GTF3C1: variants seen among roughly 807,000 people sequenced by gnomAD.
GTF3C1 encodes general transcription factor IIIC subunit 1.
In GTF3C1, 57 loss-of-function variants were observed where a neutral mutation model predicts 226.7. The observed-to-expected ratio is 0.25, with a 90% CI of 0.20 to 0.31. The LOEUF (loss-of-function observed/expected upper bound fraction) is 0.31, where lower values mean the gene tolerates loss of function less well. GTF3C1 is among the 10% of genes least tolerant of loss of function. The pLI, the probability that GTF3C1 is intolerant of heterozygous loss-of-function variation, is 1.00. For synonymous variants in GTF3C1, 1,090 were observed against 1,084.8 expected, an observed-to-expected ratio of 1.00 and a Z score of -0.09; for missense variants, 2,217 against 2,776.1, an observed-to-expected ratio of 0.80 and a Z score of 4.53.
intron 25 of GTF3C1, 71 bp from the exon 26 acceptor site, chr16:27,483,196 C>A: frequency 6.9e-7 from 1 of 1,445,878 alleles, no homozygotes; most frequent in East Asian, 2.3e-5. Context: ...CTTCAGAGAG[C>A]TCCATTCTCA....
chr16:27,549,587 A>G (rs925617823), intron 1 of GTF3C1, 83 bp downstream of exon 1: 173 of 788,670 alleles, frequency 2.2e-4, no homozygotes, highest in Non-Finnish European at 2.1e-4. Context: ...GCCCCACTCC[A>G]TTCCCCCGCC....
rs759931971 is a variant in GTF3C1, at chr16:27,476,416, C to A, written c.4353+35G>T. The A allele has an allele frequency of 2.2e-6, 3 of 1,354,070 alleles. No individual in the cohort carries two copies. The Admixed American group carries it at 5.1e-5, about 23-fold the overall frequency. The allele number at this position is 1,354,070 out of a possible 1,614,324, so 83.9% of individuals were successfully genotyped here. A position where few individuals can be genotyped will look rare whatever the true frequency, so the allele number is the denominator to read the frequency against. On this transcript the variant is annotated intron_variant, in intron 29 of 36. Coordinates refer to ENST00000356183, the MANE Select transcript of GTF3C1 (RefSeq NM_001520.4). ...ACGAGCCTGGCCTCGGAAGGGCCCA[C>A]ATCCCCGCTGTGCTGCCGGGCAGCC...
intron 33 of GTF3C1, 42 bp from the exon 34 acceptor site, chr16:27,464,878 G>C: frequency 6.9e-7 from 1 of 1,456,552 alleles, no homozygotes; most frequent in Non-Finnish European, 9.1e-7. Context: ...GGGAGCTCGG[G>C]ATCCTCCACG....
Position 27,540,015 on chromosome 16 carries a change from C to T in GTF3C1, c.432-1659G>A, listed in dbSNP as rs1312268941. On this transcript the variant is annotated intron_variant, in intron 2 of 36. Transcript: ENST00000356183. ...GCTCACAGGCTACCAATTCTGTTCA[C>T]CGGGAGCCAACATCCACTCTTCTCA... 2.6e-5 allele frequency among the ~76,000 whole-genome samples: 4 copies of T among 152,186 alleles called. No individual in the cohort carries two copies. In the East Asian group the frequency reaches 7.8e-4, roughly 30 times the overall value.
Position 27,464,594 on chromosome 16 carries a change from C to G in GTF3C1, c.5598G>C (p.Trp1866Cys). 6.7e-7 allele frequency: 1 copy of G among 1,492,492 alleles called. No homozygotes were observed. Among genetic ancestry groups the G allele is most frequent in the Non-Finnish European group, 8.9e-7 (1 of 1,120,660 alleles). The allele number at this position is 1,492,492 out of a possible 1,614,324, so 92.5% of individuals were successfully genotyped here. The change falls in exon 34 of 37, where the codon TGG (tryptophan) becomes TGC (cysteine). Residue 1866 changes from tryptophan to cysteine, a missense_variant. By Grantham distance (215) the Trp-to-Cys change is radical. Coordinates refer to ENST00000356183, the MANE Select transcript of GTF3C1 (RefSeq NM_001520.4). Reference sequence around the variant, plus strand: ...CGTCGGTCTCCCCATTCTCACTGGCCCAGCTGGCGCGCCTCTTGGTGCCCC... The same window carrying G: ...CGTCGGTCTCCCCATTCTCACTGGCGCAGCTGGCGCGCCTCTTGGTGCCCC... ...SPRGTKRRASWASENGETDAE... is the reference protein window; with the variant it reads ...SPRGTKRRASCASENGETDAE...
intron 4 of GTF3C1, among the ~76,000 whole-genome samples, chr16:27,536,807 C>G (rs2089008589): frequency 6.6e-6 from 1 of 152,172 alleles, no homozygotes; most frequent in Non-Finnish European, 1.5e-5. Context: ...GGCCCTGCAC[C>G]AGCTTGACCT....
chr16:27,515,764 C>A (rs963190269), intron 6 of GTF3C1, among the ~76,000 whole-genome samples: 3 of 152,194 alleles, frequency 2.0e-5, no homozygotes, highest in Non-Finnish European at 2.9e-5. Context: ...CTCTGTCTCA[C>A]GGGGTTAATG....
intron 1 of GTF3C1, among the ~76,000 whole-genome samples, chr16:27,548,556 C>T (rs1399191142): frequency 6.6e-6 from 1 of 152,228 alleles, no homozygotes; most frequent in Non-Finnish European, 1.5e-5. Context: ...TGAGCTGCTG[C>T]ACCCGGCCTG....
chr16:27,465,751 G>A (rs1596611985), intron 32 of GTF3C1: 1 of 582,252 alleles, frequency 1.7e-6, no homozygotes, highest in East Asian at 2.8e-5. Flanking sequence ...AGCTGACTGG[G>A]ACACAACAGC....
chr16:27,490,831 G>C (rs1330882046), intron 19 of GTF3C1, among the ~76,000 whole-genome samples: 1 of 152,094 alleles, frequency 6.6e-6, no homozygotes, highest in Non-Finnish European at 1.5e-5. Flanking sequence ...CCCTCATCCT[G>C]GGGGTAGAAC....
At chr16:27,542,795 G>A (rs566344964) in intron 2 of GTF3C1, among the ~76,000 whole-genome samples, 22 of 152,266 alleles carry the variant, frequency 1.4e-4, no homozygotes, top group South Asian at 4.1e-4. Context: ...ACTGTCCCTC[G>A]GACCTTCCAC....
At chr16:27,491,587 TGGGAGGGAGGGTCCTTCTA>T (rs976883628) in intron 19 of GTF3C1, among the ~76,000 whole-genome samples, 2 of 152,136 alleles carry the variant, frequency 1.3e-5, no homozygotes, top group African/African-American at 4.8e-5. Flanking sequence ...GAAGCCAGTG[TGGGAGGGAGGGTCCTTCTA>T]GGGAGAGAGA....
In GTF3C1 at chr16:27,471,932, G is replaced by A; in HGVS notation, c.4354-12C>T. 1 of 1,613,484 alleles carries A rather than the reference G, an allele frequency of 6.2e-7. No homozygotes were observed. On this transcript the variant is annotated splice_polypyrimidine_tract_variant and intron_variant, in intron 29 of 36. Coordinates refer to ENST00000356183, the MANE Select transcript of GTF3C1 (RefSeq NM_001520.4). The surrounding 1 kb of genome is among the most constrained non-coding windows in gnomAD (Gnocchi z 5.0). ...TAGAGGCGGAAAGTCTGCAACACAG[G>A]GCGGCGAGGGTGAGTAGGGTTCTCC...
Position 27,465,350 on chromosome 16 carries a change from A to G in GTF3C1, c.5265T>C (p.Phe1755=), listed in dbSNP as rs145495739. The G allele has an allele frequency of 6.8e-6, 11 of 1,614,086 alleles. No individual in the cohort carries two copies. Among genetic ancestry groups the G allele is most frequent in the South Asian group, 1.1e-5 (1 of 91,082 alleles). Residue 1755 remains phenylalanine, a synonymous_variant, in exon 33 of 37, where the codon TTT becomes TTC. Coordinates refer to ENST00000356183, the MANE Select transcript of GTF3C1 (RefSeq NM_001520.4). ...ILEAIIATGC[F]GIDKEELRRR... ...TGCGCAGCTCCTCCTTGTCAATCCC[A>G]AAACAACCCGTGGCTATAATGGCTT...
intron 29 of GTF3C1, among the ~76,000 whole-genome samples, chr16:27,474,251 C>G (rs1692829126): frequency 6.6e-6 from 1 of 152,150 alleles, no homozygotes; most frequent in African/African-American, 2.4e-5. Flanking sequence ...TCTAAGGTGA[C>G]TTTCCATGCC....
At position 27,530,768 on chromosome 16, in the gene GTF3C1, C is replaced by A. The variant is rs139445236; in HGVS notation, c.850-2047G>T. 1.8e-4 allele frequency among the ~76,000 whole-genome samples: 27 copies of A among 152,274 alleles called. No individual in the cohort carries two copies. The South Asian group carries it at 5.4e-3, about 30-fold the overall frequency. On this transcript the variant is annotated intron_variant, in intron 5 of 36. Coordinates refer to ENST00000356183, the MANE Select transcript of GTF3C1 (RefSeq NM_001520.4). ...ATATTTACTGAGCCTCTACAGGGGGCCAGGCACTGTCTTCATCGTGGGGGC... is the reference window on the plus strand; with the variant it reads ...ATATTTACTGAGCCTCTACAGGGGGACAGGCACTGTCTTCATCGTGGGGGC...
chr16:27,495,572 T>C, intron 14 of GTF3C1, 80 bp from the exon 15 acceptor site: 2 of 1,287,512 alleles, frequency 1.6e-6, no homozygotes, highest in Non-Finnish European at 2.2e-6. Flanking sequence ...AATGATTGAG[T>C]GCCACTATGT....
chr16:27,503,673 A>C (rs534216933), intron 10 of GTF3C1, among the ~76,000 whole-genome samples: 54 of 152,310 alleles, frequency 3.5e-4, no homozygotes, highest in African/African-American at 1.2e-3. Flanking sequence ...TTTCTCTCTT[A>C]ATGAGCTTAA....
intron 23 of GTF3C1, among the ~76,000 whole-genome samples, chr16:27,486,592 G>A (rs1316826410): frequency 6.6e-6 from 1 of 152,208 alleles, no homozygotes; most frequent in Non-Finnish European, 1.5e-5. Flanking sequence ...CGGGCGTTGT[G>A]TAGACTTGAG....
Sources: allele counts gnomAD v4.1 joint callset (sites outside exome capture counted in the v4.1 genomes callset), GRCh38; gene constraint gnomAD v4.1.1; non-coding constraint Gnocchi (gnomAD v3.1); transcripts MANE v1.5; gene names NCBI Gene and HGNC (gene_info 2026-07-23, HGNC 2026-07-21).